KHDRBS3: variants seen among roughly 807,000 people sequenced by gnomAD.
KHDRBS3 encodes KH domain-containing, RNA-binding, signal transduction-associated protein 3.
In KHDRBS3, 23 loss-of-function variants were observed where a neutral mutation model predicts 45.6. That is an observed-to-expected ratio of 0.50 (90% confidence interval 0.36 to 0.72). The LOEUF (loss-of-function observed/expected upper bound fraction) is 0.72, where lower values mean the gene tolerates loss of function less well. Among genes scored for constraint, KHDRBS3 ranks in the 30% least tolerant of loss-of-function variants. KHDRBS3 has a pLI of 0.00. For synonymous variants in KHDRBS3, 162 were observed against 156.5 expected (o/e 1.04, Z -0.26); for missense variants, 352 against 424.8 (o/e 0.83, Z 1.51).
chr8:135,596,191 G>A (rs1828965618), intron 6 of KHDRBS3, among the ~76,000 whole-genome samples: 1 of 152,164 alleles, frequency 6.6e-6, no homozygotes, highest in African/African-American at 2.4e-5. Flanking sequence ...ATTAATTCAT[G>A]TTATACACAG....
At chr8:135,545,249 GA>G (rs1241291455) in intron 3 of KHDRBS3, among the ~76,000 whole-genome samples, 1 of 152,060 alleles carries the variant, frequency 6.6e-6, no homozygotes, top group Non-Finnish European at 1.5e-5. Context: ...AGCAGAGATT[GA>G]TCGTAGGCCA....
At chr8:135,524,889 CTT>C (rs997816867) in intron 2 of KHDRBS3, among the ~76,000 whole-genome samples, 8 of 151,930 alleles carry the variant, frequency 5.3e-5, no homozygotes, top group Admixed American at 4.6e-4. Context: ...TTTTTTCTCT[CTT>C]GGGATTTTCT....
downstream of KHDRBS3, among the ~76,000 whole-genome samples, chr8:135,650,584 C>T (rs1831409235): frequency 6.6e-6 from 1 of 152,154 alleles, no homozygotes; most frequent in South Asian, 2.1e-4. Flanking sequence ...GCTCATGTAC[C>T]TTATAACTGG....
At chr8:135,502,135 A>G (rs1316589311) in intron 1 of KHDRBS3, among the ~76,000 whole-genome samples, 1 of 152,218 alleles carries the variant, frequency 6.6e-6, no homozygotes, top group African/African-American at 2.4e-5. Flanking sequence ...GGGCATTGCC[A>G]TTAGGTGCAG....
chr8:135,458,332 T>A, intron 1 of KHDRBS3: 1 of 428,010 alleles, frequency 2.3e-6, no homozygotes, highest in South Asian at 4.9e-5. Flanking sequence ...AGTAGGGCGT[T>A]TGGTTTGTCT....
intron 2 of KHDRBS3, among the ~76,000 whole-genome samples, chr8:135,521,894 T>G (rs1009092717): frequency 2.0e-5 from 3 of 152,246 alleles, no homozygotes; most frequent in Non-Finnish European, 4.4e-5. Flanking sequence ...TTTTGGTTAT[T>G]ATAAATTAAA....
chr8:135,512,207 T>TA (rs1432305697), intron 1 of KHDRBS3, among the ~76,000 whole-genome samples: 1 of 152,222 alleles, frequency 6.6e-6, no homozygotes, highest in African/African-American at 2.4e-5. Flanking sequence ...GCAGCTACAG[T>TA]AACATTTTAG....
At chr8:135,564,445 ATGT>A (rs1563771797) in intron 5 of KHDRBS3, among the ~76,000 whole-genome samples, 2 of 152,188 alleles carry the variant, frequency 1.3e-5, no homozygotes, top group Non-Finnish European at 2.9e-5. Flanking sequence ...AACAGCTGCA[ATGT>A]TGTTGAGAAA....
intron 1 of KHDRBS3, among the ~76,000 whole-genome samples, chr8:135,459,299 A>T (rs899350793): frequency 6.6e-6 from 1 of 152,180 alleles, no homozygotes; most frequent in African/African-American, 2.4e-5. Flanking sequence ...TGTCTCCAAG[A>T]ATTTAAGAAT....
At chr8:135,584,335 T>G (rs549097538) in intron 6 of KHDRBS3, among the ~76,000 whole-genome samples, 1 of 152,364 alleles carries the variant, frequency 6.6e-6, no homozygotes, top group South Asian at 2.1e-4. Context: ...AAGTCTTGCA[T>G]ACATAAAACA....
intron 6 of KHDRBS3, among the ~76,000 whole-genome samples, chr8:135,591,621 TG>T (rs1248511291): frequency 1.3e-5 from 2 of 152,240 alleles, no homozygotes; most frequent in African/African-American, 4.8e-5. Context: ...TTTCTCTTTG[TG>T]ATAAGAATAA....
At chr8:135,517,395 T>G (rs1824665561) in intron 1 of KHDRBS3, among the ~76,000 whole-genome samples, 1 of 152,154 alleles carries the variant, frequency 6.6e-6, no homozygotes. Context: ...ATCTCAAGCA[T>G]CTTTCCTCCC....
At chr8:135,596,668 T>G (rs1351968876) in intron 6 of KHDRBS3, among the ~76,000 whole-genome samples, 2 of 152,144 alleles carry the variant, frequency 1.3e-5, no homozygotes, top group African/African-American at 4.8e-5. Flanking sequence ...ATAGCAAACA[T>G]TATACTCAAT....
At chr8:135,579,375 C>G (rs988173765) in intron 5 of KHDRBS3, among the ~76,000 whole-genome samples, 1 of 152,160 alleles carries the variant, frequency 6.6e-6, no homozygotes, top group Non-Finnish European at 1.5e-5. Context: ...CTCTGTCACC[C>G]AGGCTGGAGT....
In KHDRBS3 at chr8:135,569,740, G is replaced by A. The variant is rs77083941; in HGVS notation, c.612-12138G>A. 2.4e-3 allele frequency among the ~76,000 whole-genome samples: 366 copies of A among 152,236 alleles called. 10 individuals carry two copies. In the East Asian group the frequency reaches 0.066, roughly 27 times the overall value. ...TCCCACTGCCCACAACAGGGCCTGC[G>A]GCACAGCAGTCACCCAGGGCAGGTT... On this transcript the variant is annotated intron_variant, in intron 5 of 8. Coordinates refer to ENST00000355849, the MANE Select transcript of KHDRBS3 (RefSeq NM_006558.3).
At chr8:135,556,135 T>C (rs1826875345) in intron 4 of KHDRBS3, among the ~76,000 whole-genome samples, 2 of 152,238 alleles carry the variant, frequency 1.3e-5, no homozygotes, top group Admixed American at 6.5e-5. Flanking sequence ...CAGTCTATCA[T>C]TGATGGACAT....
chr8:135,550,899 T>C (rs1374861120), intron 4 of KHDRBS3, among the ~76,000 whole-genome samples: 2 of 152,184 alleles, frequency 1.3e-5, no homozygotes, highest in East Asian at 3.8e-4. Flanking sequence ...TTTAAAATTT[T>C]TCTCAACAGT....
At chr8:135,605,220 CTA>C (rs964108630) in intron 6 of KHDRBS3, among the ~76,000 whole-genome samples, 28 of 152,058 alleles carry the variant, frequency 1.8e-4, no homozygotes, top group Admixed American at 1.7e-3. Context: ...AAAATAATCT[CTA>C]TTCCTTTCTA....
At chr8:135,652,127 T>G (rs1294621090), downstream of KHDRBS3, among the ~76,000 whole-genome samples, 1 of 152,246 alleles carries the variant, frequency 6.6e-6, no homozygotes, top group Non-Finnish European at 1.5e-5. Context: ...TTCAGTGTTT[T>G]GTAGGGACAG....
Sources: gnomAD v4.1 joint callset for allele counts (sites outside exome capture counted in the v4.1 genomes callset) on GRCh38, gnomAD v4.1.1 for gene constraint, MANE v1.5 for transcripts, NCBI Gene and HGNC (gene_info 2026-07-23, HGNC 2026-07-21) for gene names.